RXRA: variants seen among roughly 807,000 people sequenced by gnomAD.
RXRA encodes the protein retinoid X receptor alpha.
A neutral mutation model predicts 44.5 loss-of-function variants in RXRA; 5 were observed. The ratio of observed to expected loss-of-function variants is 0.11; its 90% CI spans 0.06 to 0.24. The LOEUF (loss-of-function observed/expected upper bound fraction) is 0.24. RXRA is among the 10% of genes least tolerant of loss of function. RXRA has a pLI of 1.00. For missense variants in RXRA, 412 were observed against 646.5 expected (o/e 0.64, Z 3.93); for synonymous variants, 291 against 271.4 (o/e 1.07, Z -0.71).
intron 1 of RXRA, among the ~76,000 whole-genome samples, chr9:134,390,112 C>T (rs1207743390): frequency 2.0e-5 from 3 of 152,200 alleles, no homozygotes; most frequent in East Asian, 3.9e-4. Flanking sequence ...TGCCTGCATT[C>T]CCCGGCAGGA....
intron 9 of RXRA, 60 bp downstream of exon 9, chr9:134,434,267 AC>A: frequency 1.6e-6 from 2 of 1,272,062 alleles, no homozygotes; most frequent in East Asian, 2.4e-5. Context: ...CAGAGCCCCC[AC>A]CCCCTGCAAG....
intron 2 of RXRA, chr9:134,406,395 A>G (rs1010179039): frequency 9.7e-5 from 11 of 113,886 alleles, no homozygotes; most frequent in African/African-American, 3.2e-4. Context: ...CCTGTTTCGG[A>G]AAAAAAAAAA....
At chr9:134,391,825 ACCCGGCAG>A (rs1486525530) in intron 1 of RXRA, among the ~76,000 whole-genome samples, 1 of 152,116 alleles carries the variant, frequency 6.6e-6, no homozygotes, top group Non-Finnish European at 1.5e-5. Context: ...CCAGGCGTTG[ACCCGGCAG>A]CTCTTGTTCC....
intron 1 of RXRA, among the ~76,000 whole-genome samples, chr9:134,371,367 C>G (rs1208862766): frequency 3.3e-5 from 5 of 152,220 alleles, no homozygotes; most frequent in Non-Finnish European, 7.3e-5. Flanking sequence ...TCTGGCCCCC[C>G]TGGTGTTCAT....
At chr9:134,327,032 G>C (rs1834926193) in intron 1 of RXRA, among the ~76,000 whole-genome samples, 1 of 151,896 alleles carries the variant, frequency 6.6e-6, no homozygotes, top group African/African-American at 2.4e-5. Flanking sequence ...CCGCGGCTCC[G>C]GCCTCCCTGG....
At chr9:134,435,560 C>T (rs1831605586) in intron 9 of RXRA, among the ~76,000 whole-genome samples, 1 of 152,182 alleles carries the variant, frequency 6.6e-6, no homozygotes, top group Admixed American at 6.5e-5. Context: ...GGGCCCACAG[C>T]CCTGCACAAG....
rs1208159408 is a variant in RXRA, at chr9:134,343,901, G to A, written c.28+17242G>A. Among the ~76,000 whole-genome samples the A allele has an allele frequency of 2.0e-5, 3 of 152,168 alleles. No individual in the cohort carries two copies. Among genetic ancestry groups the A allele is most frequent in the South Asian group, 2.1e-4 (1 of 4,826 alleles). ...TCTGGCGTCTTCTCACCTTCTGGCC[G>A]GTCATTGGCCCTCGTGGCCCTACCA... is the stretch of plus-strand genomic sequence containing the variant. On this transcript the variant is annotated intron_variant, in intron 1 of 9. Transcript: ENST00000481739. The surrounding 1 kb of genome is among the most constrained non-coding windows in gnomAD (Gnocchi z 4.1).
At chr9:134,402,445 G>C (rs1377684593) in intron 2 of RXRA, 1 of 153,528 alleles carries the variant, frequency 6.5e-6, no homozygotes, top group African/African-American at 2.4e-5. Context: ...CGTCTGTGGG[G>C]CGTGGGGACC....
chr9:134,339,515 C>CTG (rs140582836), intron 1 of RXRA, among the ~76,000 whole-genome samples: 141 of 138,498 alleles, frequency 1.0e-3, no homozygotes, highest in African/African-American at 2.6e-3. Context: ...GTGTGTGAGT[C>CTG]TGTGTGTGTG....
At chr9:134,391,410 C>T (rs189038481) in intron 1 of RXRA, among the ~76,000 whole-genome samples, 6 of 152,330 alleles carry the variant, frequency 3.9e-5, no homozygotes, top group Non-Finnish European at 7.4e-5. Flanking sequence ...CCGAGAGCAA[C>T]ATGGCTCAAA....
At chr9:134,336,844 C>T (rs1362904013) in intron 1 of RXRA, among the ~76,000 whole-genome samples, 1 of 152,236 alleles carries the variant, frequency 6.6e-6, no homozygotes, top group Non-Finnish European at 1.5e-5. Context: ...CAAATCGTGA[C>T]CATGACTTGA....
At position 134,407,471 on chromosome 9, in the gene RXRA, C is replaced by A. The variant is rs1264669754; in HGVS notation, c.280-678C>A. ...AAAACTGCTGTGTCACTGCACGCTG[C>A]AGCTGTTGCCAGGGTGACCGGGTGA... is the stretch of plus-strand genomic sequence containing the variant. On this transcript the variant is annotated intron_variant, in intron 2 of 9. Coordinates refer to ENST00000481739, the MANE Select transcript of RXRA (RefSeq NM_002957.6). This position sits in a 1 kb window ranked among gnomAD's most constrained non-coding sequence, Gnocchi z 4.8. Among the ~76,000 whole-genome samples the A allele has an allele frequency of 6.6e-6, 1 of 152,220 alleles. No individual in the cohort carries two copies. The highest frequency in any genetic ancestry group is 2.4e-5 in the African/African-American group (1 of 41,462).
At chr9:134,390,588 G>A (rs1830785647) in intron 1 of RXRA, among the ~76,000 whole-genome samples, 1 of 152,212 alleles carries the variant, frequency 6.6e-6, no homozygotes, top group South Asian at 2.1e-4. Flanking sequence ...CGGGGCAGGA[G>A]GGACGTGCTG....
chr9:134,430,235 T>A (rs1831510948), intron 7 of RXRA, among the ~76,000 whole-genome samples: 1 of 152,194 alleles, frequency 6.6e-6, no homozygotes, highest in Admixed American at 6.5e-5. Context: ...CACACCAGAC[T>A]GGGCCTTCTG....
rs1460504571 is a variant in RXRA at position 134,433,589 on chromosome 9, C to G, written c.1136-513C>G. On this transcript the variant is annotated intron_variant, in intron 8 of 9. Transcript: ENST00000481739. The surrounding 1 kb of genome is among the most constrained non-coding windows in gnomAD (Gnocchi z 4.2). ...GTTTTGGTGGCTGCAATCTTAGCCTCTCTGTCCACTCTAGGCTCTTGAGCC... is the reference window on the plus strand; with the variant it reads ...GTTTTGGTGGCTGCAATCTTAGCCTGTCTGTCCACTCTAGGCTCTTGAGCC... 6.6e-6 allele frequency among the ~76,000 whole-genome samples: 1 copy of G among 152,118 alleles called. No homozygotes were observed. Among genetic ancestry groups the G allele is most frequent in the Non-Finnish European group, 1.5e-5 (1 of 67,996 alleles).
chr9:134,340,291 T>C (rs570473348), intron 1 of RXRA, among the ~76,000 whole-genome samples: 21 of 152,222 alleles, frequency 1.4e-4, no homozygotes, highest in African/African-American at 5.1e-4. Flanking sequence ...TGAGAAGCTG[T>C]AGGGGGCTGT....
intron 1 of RXRA, among the ~76,000 whole-genome samples, chr9:134,389,294 C>T (rs1830766484): frequency 6.6e-6 from 1 of 152,192 alleles, no homozygotes; most frequent in African/African-American, 2.4e-5. Context: ...CTTTGGTCAC[C>T]CCCGGGGGGT....
chr9:134,335,482 G>C (rs1268784651), intron 1 of RXRA, among the ~76,000 whole-genome samples: 6 of 152,218 alleles, frequency 3.9e-5, no homozygotes, highest in African/African-American at 1.2e-4. Context: ...ATGCCCGTGC[G>C]GGCGTAAGTA....
rs1475111227 is a variant in RXRA at position 134,439,175 on chromosome 9, A to G, written c.*2561A>G. The G allele has an allele frequency of 1.3e-5, 2 of 152,210 alleles. No homozygotes were observed. The highest frequency in any genetic ancestry group is 4.8e-5 in the African/African-American group (2 of 41,430). 9.4% of individuals were successfully genotyped at this position (152,210 alleles called of 1,614,324 possible). On this transcript the variant is annotated 3_prime_UTR_variant, in exon 10 of 10. Coordinates refer to ENST00000481739, the MANE Select transcript of RXRA (RefSeq NM_002957.6). ...TTGGTGGGACAATCTTTAATTTTCT[A>G]AAGATAGCACTAACATCAGCTCATT... is the stretch of plus-strand genomic sequence containing the variant.
Sources: allele counts gnomAD v4.1 joint callset (sites outside exome capture counted in the v4.1 genomes callset), GRCh38; gene constraint gnomAD v4.1.1; non-coding constraint Gnocchi (gnomAD v3.1); transcripts MANE v1.5; gene names NCBI Gene and HGNC (gene_info 2026-07-23, HGNC 2026-07-21).